XPO4: variants seen among roughly 807,000 people sequenced by gnomAD.
XPO4 encodes exportin-4.
Under a neutral mutation model 143.0 loss-of-function variants are expected in XPO4, and 39 were observed. The observed-to-expected ratio is 0.27, with a 90% CI of 0.21 to 0.36. XPO4 has a LOEUF of 0.36. Among genes scored for constraint, XPO4 ranks in the 10% least tolerant of loss-of-function variants. XPO4 has a pLI of 1.00. For synonymous variants in XPO4, 439 were observed against 474.0 expected, an observed-to-expected ratio of 0.93 and a Z score of 0.96; for missense variants, 907 against 1,348.0, an observed-to-expected ratio of 0.67 and a Z score of 5.12.
In XPO4 at chr13:20,843,956, C is replaced by G. The variant is rs759523739; in HGVS notation, c.457-70G>C. On this transcript the variant is annotated intron_variant, in intron 4 of 22. Coordinates refer to ENST00000255305, the MANE Select transcript of XPO4 (RefSeq NM_022459.5). ...AACGCTTTGTTTCAATGCATTTGTT[C>G]AAACATAATAGAACATTTTCTCCCT... 332 of 1,129,774 alleles carry G rather than the reference C, an allele frequency of 2.9e-4. 2 individuals carry two copies. The highest frequency in any genetic ancestry group is 5.0e-4 in the Admixed American group (29 of 57,430). 70.0% of individuals were successfully genotyped at this position (1,129,774 alleles called of 1,614,324 possible). A position where few individuals can be genotyped will look rare whatever the true frequency, so the allele number is the denominator to read the frequency against.
intron 7 of XPO4, among the ~76,000 whole-genome samples, chr13:20,826,468 C>G (rs1012089294): frequency 5.3e-5 from 8 of 152,186 alleles, no homozygotes; most frequent in Non-Finnish European, 1.2e-4. Context: ...ACAGTATCTG[C>G]GTTTCCCATT....
At chr13:20,878,808 A>G (rs1336728220) in intron 1 of XPO4, among the ~76,000 whole-genome samples, 1 of 152,216 alleles carries the variant, frequency 6.6e-6, no homozygotes, top group African/African-American at 2.4e-5. Flanking sequence ...CAAAACATCT[A>G]TATGAACATT....
intron 3 of XPO4, among the ~76,000 whole-genome samples, chr13:20,859,613 A>C (rs2060177934): frequency 6.7e-6 from 1 of 149,256 alleles, no homozygotes; most frequent in African/African-American, 2.5e-5. Context: ...AAACAAACCA[A>C]AAAAAATACA....
chr13:20,806,630 G>A lies in XPO4; in HGVS notation c.1817+827C>T, dbSNP rs143605234. Among the ~76,000 whole-genome samples, 630 of 122,766 alleles carry A rather than the reference G, an allele frequency of 5.1e-3. 6 individuals carry two copies. Among genetic ancestry groups the A allele is most frequent in the African/African-American group, 0.018 (590 of 31,970 alleles). The allele number at this position is 122,766 out of a possible 152,430, so 80.5% of individuals were successfully genotyped here. A position where few individuals can be genotyped will look rare whatever the true frequency, so the allele number is the denominator to read the frequency against. On this transcript the variant is annotated intron_variant, in intron 13 of 22. Coordinates refer to ENST00000255305, the MANE Select transcript of XPO4 (RefSeq NM_022459.5). ...TGCAGTGGTGCAATCTGAGCTCACT[G>A]CAACCTCTGCCTCCTGGGTTCAAGC...
At chr13:20,887,399 C>T (rs978138172) in intron 1 of XPO4, among the ~76,000 whole-genome samples, 3 of 152,118 alleles carry the variant, frequency 2.0e-5, no homozygotes, top group African/African-American at 7.2e-5. Context: ...CAACATTACA[C>T]TATACCCCAC....
chr13:20,878,904 A>G (rs796193013), intron 1 of XPO4, among the ~76,000 whole-genome samples: 1 of 152,226 alleles, frequency 6.6e-6, no homozygotes, highest in South Asian at 2.1e-4. Context: ...ATTTCTTTAA[A>G]TAAGTGGGCC....
intron 22 of XPO4, 110 bp downstream of exon 22, chr13:20,786,847 AACTGAAGC>A: frequency 1.4e-6 from 1 of 696,956 alleles, no homozygotes; most frequent in Non-Finnish European, 2.2e-6. Context: ...ACTGAAACAG[AACTGAAGC>A]ACTGAGTCAC....
intron 22 of XPO4, among the ~76,000 whole-genome samples, chr13:20,784,970 T>A (rs1302241707): frequency 2.6e-5 from 4 of 152,022 alleles, no homozygotes; most frequent in African/African-American, 9.7e-5. Context: ...TGGGTTCAAG[T>A]GATCCTCCTA....
intron 1 of XPO4, among the ~76,000 whole-genome samples, chr13:20,874,391 T>C (rs2060332169): frequency 6.6e-6 from 1 of 152,214 alleles, no homozygotes; most frequent in East Asian, 1.9e-4. Context: ...CAGACGGTGC[T>C]ATGATTCAAA....
intron 1 of XPO4, among the ~76,000 whole-genome samples, chr13:20,886,229 G>T (rs181928680): frequency 2.0e-5 from 3 of 152,000 alleles, no homozygotes; most frequent in African/African-American, 7.3e-5. Flanking sequence ...ACCTGACCAA[G>T]AGCAATTAAG....
chr13:20,867,848 C>T (rs753297700), intron 2 of XPO4, among the ~76,000 whole-genome samples: 6 of 151,990 alleles, frequency 3.9e-5, no homozygotes, highest in Non-Finnish European at 8.8e-5. Flanking sequence ...AAAGATGGCT[C>T]CCACTAAAAA....
chr13:20,867,634 C>G (rs1360551205), intron 2 of XPO4, among the ~76,000 whole-genome samples: 1 of 152,216 alleles, frequency 6.6e-6, no homozygotes, highest in Non-Finnish European at 1.5e-5. Context: ...TCGAACAACT[C>G]TCTTCCATAA....
rs1260619561 is a variant in XPO4, at chr13:20,862,880, T to G, written c.176-22A>C. ...GTTTCTGAGGAGAAAATTAAAAACT[T>G]TATTTAAACAATAATTCATTTTACC... On this transcript the variant is annotated intron_variant, in intron 2 of 22. Coordinates refer to ENST00000255305, the MANE Select transcript of XPO4 (RefSeq NM_022459.5). 3 of 1,608,970 alleles carry G rather than the reference T, an allele frequency of 1.9e-6. No individual in the cohort carries two copies. In the East Asian group the frequency reaches 6.7e-5, roughly 36 times the overall value.
upstream of XPO4, chr13:20,902,747 T>C (rs750246941): frequency 4.6e-6 from 7 of 1,520,706 alleles, no homozygotes; most frequent in East Asian, 2.7e-5. Flanking sequence ...ATGGTCTCTC[T>C]TCAATGACGC....
At chr13:20,895,412 A>G (rs1474050371) in intron 1 of XPO4, among the ~76,000 whole-genome samples, 1 of 152,002 alleles carries the variant, frequency 6.6e-6, no homozygotes, top group Non-Finnish European at 1.5e-5. Flanking sequence ...CTGGCAGATC[A>G]CCTGTGATCA....
Position 20,780,269 on chromosome 13 carries a change from G to A in XPO4, c.*3453C>T, listed in dbSNP as rs540739946. 5.9e-5 allele frequency: 9 copies of A among 152,242 alleles called. No individual in the cohort carries two copies. Among genetic ancestry groups the A allele is most frequent in the Non-Finnish European group, 1.0e-4 (7 of 68,016 alleles). 9.4% of individuals were successfully genotyped at this position (152,242 alleles called of 1,614,324 possible). ...ATTGACAACCACCTCTAACAACAGA[G>A]GTGGCAAACAGATAAAAATTGTTTA... On this transcript the variant is annotated 3_prime_UTR_variant, in exon 23 of 23. Transcript: ENST00000255305.
At chr13:20,892,260 G>C (rs1485138991) in intron 1 of XPO4, among the ~76,000 whole-genome samples, 2 of 151,960 alleles carry the variant, frequency 1.3e-5, no homozygotes, top group East Asian at 1.9e-4. Context: ...CTAATTTTTT[G>C]TATTTTTAGT....
At chr13:20,887,058 G>A (rs981283038) in intron 1 of XPO4, among the ~76,000 whole-genome samples, 6 of 151,440 alleles carry the variant, frequency 4.0e-5, no homozygotes, top group Non-Finnish European at 8.8e-5. Flanking sequence ...CAACAAGAGC[G>A]AAACTCCGTC....
intron 21 of XPO4, among the ~76,000 whole-genome samples, 185 bp downstream of exon 21, chr13:20,787,296 A>G (rs1325965810): frequency 6.6e-6 from 1 of 152,242 alleles, no homozygotes; most frequent in Non-Finnish European, 1.5e-5. Flanking sequence ...CCAAGAACAC[A>G]AAAAATAGAG....
Sources: gnomAD v4.1 joint callset for allele counts (sites outside exome capture counted in the v4.1 genomes callset) on GRCh38, gnomAD v4.1.1 for gene constraint, MANE v1.5 for transcripts, NCBI Gene and HGNC (gene_info 2026-07-23, HGNC 2026-07-21) for gene names.